CLCN5: variants seen among roughly 807,000 people sequenced by gnomAD.
CLCN5 encodes Cl-/H+ antiporter 5.
In CLCN5, 17 loss-of-function variants were observed where a neutral mutation model predicts 54.0. The observed-to-expected ratio is 0.31, with a 90% CI of 0.22 to 0.47. The LOEUF is 0.47. Ranked by LOEUF, CLCN5 falls within the 20% of genes least tolerant of loss-of-function variation. CLCN5 has a pLI of 1.00. For missense variants in CLCN5, 448 were observed against 646.7 expected (o/e 0.69, Z 3.33); for synonymous variants, 222 against 233.0 (o/e 0.95, Z 0.43).
intron 1 of CLCN5, 90 bp downstream of exon 1, chrX:49,922,882 G>A (rs1925133076): frequency 8.9e-6 from 1 of 112,415 alleles, no homozygotes. Context: ...TAAGCGCAGC[G>A]ACACAGGGGA....
At chrX:50,053,905 C>T (rs1314052441) in intron 4 of CLCN5, among the ~76,000 whole-genome samples, 1 of 110,095 alleles carries the variant, frequency 9.1e-6, no homozygotes, top group East Asian at 2.8e-4. Flanking sequence ...GGCTGTATTT[C>T]ATGTTTGGTG....
intron 3 of CLCN5, chrX:50,003,468 A>G (rs782212014): frequency 2.6e-6 from 1 of 381,087 alleles, no homozygotes; most frequent in Admixed American, 2.6e-5. Flanking sequence ...CCTAGAGCAT[A>G]CCCATATGTC....
In CLCN5 at chrX:50,064,923, T is replaced by G. The variant is rs1392861657; in HGVS notation, c.164-4956T>G. On this transcript the variant is annotated intron_variant, in intron 4 of 14. Coordinates refer to ENST00000376091, the MANE Select transcript of CLCN5 (RefSeq NM_001127898.4). ...CAAGCAATGGGGAAAGGATTCCCTA[T>G]TTAATAAATGGTGCTGGGAAAACTG... is the stretch of plus-strand genomic sequence containing the variant. 2.2e-4 allele frequency among the ~76,000 whole-genome samples: 24 copies of G among 110,407 alleles called. No individual in the cohort carries two copies. The East Asian group carries it at 2.2e-3, about 10-fold the overall frequency.
At chrX:49,958,061 C>T (rs1381311412) in intron 3 of CLCN5, among the ~76,000 whole-genome samples, 1 of 111,273 alleles carries the variant, frequency 9.0e-6, no homozygotes, top group East Asian at 2.8e-4. Flanking sequence ...CCACTATGAT[C>T]AAGAGACTTT....
chrX:49,924,647 G>A (rs781875126), intron 2 of CLCN5, among the ~76,000 whole-genome samples: 2 of 111,772 alleles, frequency 1.8e-5, no homozygotes, highest in Non-Finnish European at 3.8e-5. Flanking sequence ...GCAAAGGGTG[G>A]GAAAGTATAA....
chrX:50,091,843 C>T (rs1934109909), intron 14 of CLCN5, among the ~76,000 whole-genome samples: 1 of 112,299 alleles, frequency 8.9e-6, no homozygotes, highest in Non-Finnish European at 1.9e-5. Flanking sequence ...GGCGTTTGAA[C>T]TGGGCTGCAG....
intron 3 of CLCN5, among the ~76,000 whole-genome samples, chrX:50,009,401 C>G (rs1215289628): frequency 8.9e-6 from 1 of 112,085 alleles, no homozygotes; most frequent in African/African-American, 3.2e-5. Flanking sequence ...GTACCATCTT[C>G]CAACATGTGC....
At position 50,042,412 on chromosome X, in the gene CLCN5, TG is replaced by T; in HGVS notation, c.115del (p.Asp39IlefsTer4). ...CTGATGGACATTCCAGCAACCGCTA[TG>T]GATTTCTCCATGAGAGATGATGTTC... ...EDLMDIPATA[M>X]DFSMRDDVPP... On this transcript the variant is annotated frameshift_variant, in exon 4 of 15. Transcript: ENST00000376091. LOFTEE classifies it high-confidence loss of function. 8.7e-7 allele frequency: 1 copy of T among 1,150,270 alleles called. No individual in the cohort carries two copies. The highest frequency in any genetic ancestry group is 1.2e-6 in the Non-Finnish European group (1 of 860,081). 94.8% of individuals were successfully genotyped at this position (1,150,270 alleles called of 1,213,427 possible). A position where few individuals can be genotyped will look rare whatever the true frequency, so the allele number is the denominator to read the frequency against.
chrX:50,068,418 A>G (rs1159822590), intron 4 of CLCN5, among the ~76,000 whole-genome samples: 1 of 111,297 alleles, frequency 9.0e-6, no homozygotes, highest in Non-Finnish European at 1.9e-5. Flanking sequence ...ACGAATGAAG[A>G]TATGGAAAGG....
At chrX:49,985,532 A>G (rs1557178185) in intron 3 of CLCN5, among the ~76,000 whole-genome samples, 1 of 111,861 alleles carries the variant, frequency 8.9e-6, no homozygotes, top group Admixed American at 9.5e-5. Flanking sequence ...TTCCTCATTC[A>G]GCTAATGGAA....
chrX:49,940,377 A>G (rs1926264511), intron 3 of CLCN5, among the ~76,000 whole-genome samples: 1 of 112,106 alleles, frequency 8.9e-6, no homozygotes, highest in Non-Finnish European at 1.9e-5. Flanking sequence ...CTGAAATCAT[A>G]TCTCTGACAT....
At chrX:50,075,223 T>C (rs782107627) in intron 6 of CLCN5, among the ~76,000 whole-genome samples, 5 of 111,190 alleles carry the variant, frequency 4.5e-5, no homozygotes, top group Non-Finnish European at 7.5e-5. Flanking sequence ...TTCCTGCCAT[T>C]GCTCAAATTC....
intron 3 of CLCN5, among the ~76,000 whole-genome samples, chrX:49,952,884 G>A (rs1283223439): frequency 9.1e-6 from 1 of 109,477 alleles, no homozygotes; most frequent in Non-Finnish European, 1.9e-5. Context: ...ACGTGTGTGT[G>A]TAACTTTTTT....
chrX:50,032,178 A>T (rs1438125244), intron 3 of CLCN5, among the ~76,000 whole-genome samples: 3 of 111,359 alleles, frequency 2.7e-5, no homozygotes, highest in Non-Finnish European at 5.7e-5. Flanking sequence ...CGCAATAAAC[A>T]TACATGTGCA....
chrX:50,013,970 G>C (rs1569538744), intron 3 of CLCN5, among the ~76,000 whole-genome samples: 1 of 112,189 alleles, frequency 8.9e-6, no homozygotes, highest in Non-Finnish European at 1.9e-5. Context: ...TAACCTGTCA[G>C]AGATGCCGAC....
At chrX:49,987,111 T>C (rs1396635726) in intron 3 of CLCN5, among the ~76,000 whole-genome samples, 1 of 112,520 alleles carries the variant, frequency 8.9e-6, no homozygotes, top group African/African-American at 3.2e-5. Flanking sequence ...GATGAGGGAA[T>C]TAGCTTATAT....
chrX:50,021,395 T>C (rs1931098058), intron 3 of CLCN5, among the ~76,000 whole-genome samples: 1 of 15,920 alleles, frequency 6.3e-5, no homozygotes, highest in Non-Finnish European at 9.2e-5. Context: ...TGGGGTTTTC[T>C]AGATAAACAA....
At chrX:49,935,711 G>A (rs782435541) in intron 3 of CLCN5, among the ~76,000 whole-genome samples, 1 of 111,484 alleles carries the variant, frequency 9.0e-6, no homozygotes, top group East Asian at 2.8e-4. Context: ...CCAGGCAGAG[G>A]AGACAAGGTG....
intron 3 of CLCN5, among the ~76,000 whole-genome samples, chrX:49,998,852 T>A (rs1557179983): frequency 9.0e-6 from 1 of 111,321 alleles, no homozygotes; most frequent in African/African-American, 3.3e-5. Context: ...GTTTGCTGGC[T>A]TGAGTCTTCT....
Sources: gnomAD v4.1 joint callset for allele counts (sites outside exome capture counted in the v4.1 genomes callset) on GRCh38, gnomAD v4.1.1 for gene constraint, MANE v1.5 for transcripts, NCBI Gene and HGNC (gene_info 2026-07-23, HGNC 2026-07-21) for gene names.